The following XYLT1 variants were observed in gnomAD, a reference collection of about 807,000 sequenced individuals.
The protein encoded by XYLT1 is xylosyltransferase 1, also known as beta-D-xylosyltransferase 1.
In XYLT1, 36 loss-of-function variants were observed where a neutral mutation model predicts 91.3. That is an observed-to-expected ratio of 0.39 (90% confidence interval 0.30 to 0.52). XYLT1 has a LOEUF of 0.52. Among genes scored for constraint, XYLT1 ranks in the 20% least tolerant of loss-of-function variants. The probability of loss-of-function intolerance (pLI) is 0.68; values close to 1 mark genes in which losing one functional copy is unlikely to be tolerated. For synonymous variants in XYLT1, 588 were observed against 532.0 expected (o/e 1.11, Z -1.45); for missense variants, 1,242 against 1,284.5 (o/e 0.97, Z 0.51).
rs75975884 is a variant in XYLT1 at position 17,458,131 on chromosome 16, C to G, written c.363+12303G>C. 5.8e-3 allele frequency among the ~76,000 whole-genome samples: 885 copies of G among 152,204 alleles called. 7 individuals are homozygous for G. The highest frequency in any genetic ancestry group is 9.4e-3 in the Non-Finnish European group (636 of 68,000). ...CTGAGACTCTGCAAAATTATCATGC[C>G]GTCCTTGGGCTCCCGGCTTTTATTG... On this transcript the variant is annotated intron_variant, in intron 1 of 11. Coordinates refer to ENST00000261381, the MANE Select transcript of XYLT1 (RefSeq NM_022166.4).
At chr16:17,276,253 G>C (rs922130785) in intron 2 of XYLT1, among the ~76,000 whole-genome samples, 1 of 152,220 alleles carries the variant, frequency 6.6e-6, no homozygotes, top group Non-Finnish European at 1.5e-5. Flanking sequence ...TTCCGAGCAA[G>C]TTTTCATTGG....
In XYLT1 at chr16:17,225,152, T is replaced by TAC. The variant is rs751269290; in HGVS notation, c.914-24500_914-24499dup. Among the ~76,000 whole-genome samples, 1,205 of 147,588 alleles carry TAC rather than the reference T, an allele frequency of 8.2e-3. 8 individuals carry two copies. Among genetic ancestry groups the TAC allele is most frequent in the Middle Eastern group, 0.041 (12 of 292 alleles). ...CCTCGTAAGCCACCAATTCTTATTT[T>TAC]ACACACACACACACACACACACACA... On this transcript the variant is annotated intron_variant, in intron 3 of 11. Coordinates refer to ENST00000261381, the MANE Select transcript of XYLT1 (RefSeq NM_022166.4).
Position 17,356,988 on chromosome 16 carries a change from A to T in XYLT1, c.402+1024T>A, listed in dbSNP as rs549792936. ...TCAGGAGATCAAGACCATCCTGGCT[A>T]ACACGGTGAAACCTCGTCTCTAGAA... On this transcript the variant is annotated intron_variant, in intron 2 of 11. Coordinates refer to ENST00000261381, the MANE Select transcript of XYLT1 (RefSeq NM_022166.4). 4.6e-5 allele frequency among the ~76,000 whole-genome samples: 7 copies of T among 151,974 alleles called. No homozygotes were observed. The South Asian group carries it at 1.5e-3, about 32-fold the overall frequency.
rs538277913 is a variant in XYLT1, at chr16:17,407,508, T to C, written c.364-49458A>G. Reference sequence around the variant, plus strand: ...TGGGGTCTTGCTATGTTGCCCAGTATGGACATGCGTTCCTGGGCTCAACTG... The same window carrying C: ...TGGGGTCTTGCTATGTTGCCCAGTACGGACATGCGTTCCTGGGCTCAACTG... On this transcript the variant is annotated intron_variant, in intron 1 of 11. Coordinates refer to ENST00000261381, the MANE Select transcript of XYLT1 (RefSeq NM_022166.4). Among the ~76,000 whole-genome samples the C allele has an allele frequency of 3.9e-5, 6 of 152,314 alleles. No homozygotes were observed. The South Asian group carries it at 1.2e-3, about 32-fold the overall frequency.
intron 1 of XYLT1, among the ~76,000 whole-genome samples, chr16:17,468,381 C>A (rs1387154122): frequency 6.6e-6 from 1 of 151,764 alleles, no homozygotes; most frequent in South Asian, 2.1e-4. Flanking sequence ...AAAAAAAATA[C>A]ATAAATGTCC....
intron 1 of XYLT1, among the ~76,000 whole-genome samples, chr16:17,433,509 C>T (rs1050565717): frequency 6.6e-5 from 10 of 152,176 alleles, no homozygotes; most frequent in Non-Finnish European, 1.5e-4. Context: ...TTCCCCCAGC[C>T]CACTTCAGAA....
intron 3 of XYLT1, among the ~76,000 whole-genome samples, chr16:17,218,102 A>G (rs929391777): frequency 6.6e-6 from 1 of 152,042 alleles, no homozygotes; most frequent in African/African-American, 2.4e-5. Flanking sequence ...TACTAAAAAT[A>G]CAAAAATTAG....
chr16:17,107,408 C>G lies in XYLT1; in HGVS notation c.*1287G>C, dbSNP rs547156159. ...GCTCTCCTGGTGAACAGGGATGACA[C>G]TCCAGGGGGCTCGTGGCAAGGAAAC... is the stretch of plus-strand genomic sequence containing the variant. On this transcript the variant is annotated 3_prime_UTR_variant, in exon 12 of 12. Transcript: ENST00000261381. The G allele has an allele frequency of 1.0e-3, 160 of 152,476 alleles. 1 individual carries two copies. Among genetic ancestry groups the G allele is most frequent in the African/African-American group, 3.7e-3 (154 of 41,568 alleles). 9.4% of individuals were successfully genotyped at this position (152,476 alleles called of 1,614,324 possible). A position where few individuals can be genotyped will look rare whatever the true frequency, so the allele number is the denominator to read the frequency against.
At chr16:17,267,127 G>C (rs1399936373) in intron 2 of XYLT1, among the ~76,000 whole-genome samples, 1 of 152,210 alleles carries the variant, frequency 6.6e-6, no homozygotes, top group African/African-American at 2.4e-5. Context: ...GAAGGAGTGA[G>C]ACTGATAGGG....
chr16:17,338,870 G>A (rs1053223601), intron 2 of XYLT1, among the ~76,000 whole-genome samples: 4 of 152,148 alleles, frequency 2.6e-5, no homozygotes, highest in African/African-American at 9.7e-5. Flanking sequence ...TCATTCACCC[G>A]TTAAGGTCAT....
intron 1 of XYLT1, among the ~76,000 whole-genome samples, chr16:17,372,948 T>C (rs1303521608): frequency 6.6e-6 from 1 of 152,188 alleles, no homozygotes; most frequent in African/African-American, 2.4e-5. Context: ...CTATAAGGAC[T>C]AACAACAAAC....
At chr16:17,436,714 T>C (rs1399968474) in intron 1 of XYLT1, among the ~76,000 whole-genome samples, 1 of 152,190 alleles carries the variant, frequency 6.6e-6, no homozygotes, top group Admixed American at 6.5e-5. Flanking sequence ...CAATACAATA[T>C]GATTAAATGA....
chr16:17,132,305 G>A (rs995646932), intron 9 of XYLT1, among the ~76,000 whole-genome samples: 12 of 152,128 alleles, frequency 7.9e-5, no homozygotes, highest in Admixed American at 6.5e-5. Flanking sequence ...CTTGGGAGAC[G>A]GTGGGTGTGG....
chr16:17,254,825 C>T (rs2141753104), intron 3 of XYLT1, among the ~76,000 whole-genome samples: 1 of 152,266 alleles, frequency 6.6e-6, no homozygotes, highest in South Asian at 2.1e-4. Context: ...TTCAGGGAGT[C>T]AAAAGTTGTG....
At chr16:17,273,788 G>A (rs2033931197) in intron 2 of XYLT1, among the ~76,000 whole-genome samples, 1 of 147,460 alleles carries the variant, frequency 6.8e-6, no homozygotes, top group African/African-American at 2.5e-5. Flanking sequence ...AGGTTGCAGT[G>A]AGCCAAGATC....
intron 4 of XYLT1, among the ~76,000 whole-genome samples, chr16:17,199,514 G>C (rs1343076996): frequency 3.3e-5 from 5 of 152,166 alleles, no homozygotes; most frequent in Non-Finnish European, 7.3e-5. Flanking sequence ...TGGTTTGGTT[G>C]TGTCCCCACC....
chr16:17,360,808 A>G (rs115672875), intron 1 of XYLT1, among the ~76,000 whole-genome samples: 2,634 of 152,336 alleles, frequency 0.017, 69 homozygotes, highest in African/African-American at 0.06. Context: ...TTTACAGTAG[A>G]GTAAATTCCT....
chr16:17,195,112 A>G (rs1054002829), intron 5 of XYLT1, among the ~76,000 whole-genome samples: 8 of 152,228 alleles, frequency 5.3e-5, no homozygotes, highest in Admixed American at 5.2e-4. Context: ...CCCAGAGGTC[A>G]CGAGTCAATG....
At chr16:17,234,630 A>G (rs2141725576) in intron 3 of XYLT1, among the ~76,000 whole-genome samples, 1 of 151,612 alleles carries the variant, frequency 6.6e-6, no homozygotes, top group African/African-American at 2.4e-5. Flanking sequence ...GGATCATTAT[A>G]CATTTCACAG....
Sources: allele counts gnomAD v4.1 joint callset (sites outside exome capture counted in the v4.1 genomes callset), GRCh38; gene constraint gnomAD v4.1.1; transcripts MANE v1.5; gene names NCBI Gene and HGNC (gene_info 2026-07-23, HGNC 2026-07-21).